CDH12: variants seen among roughly 807,000 people sequenced by gnomAD.
CDH12 encodes the protein cadherin-12.
A neutral mutation model predicts 74.1 loss-of-function variants in CDH12; 41 were observed. That is an observed-to-expected ratio of 0.55 (90% CI 0.43 to 0.72). The LOEUF is 0.72. Among genes scored for constraint, CDH12 ranks in the 30% least tolerant of loss-of-function variants. The probability of loss-of-function intolerance (pLI) is 0.00; values close to 1 mark genes in which losing one functional copy is unlikely to be tolerated. For missense variants in CDH12, 945 were observed against 977.2 expected, an observed-to-expected ratio of 0.97 and a Z score of 0.44; for synonymous variants, 399 against 355.0, an observed-to-expected ratio of 1.12 and a Z score of -1.39.
chr5:22,244,494 CAAAAAAAAAAAAAAAAAA>C (rs869135014), intron 3 of CDH12, among the ~76,000 whole-genome samples: 2 of 31,392 alleles, frequency 6.4e-5, no homozygotes, highest in Non-Finnish European at 1.0e-4. Flanking sequence ...GACTCTGCCT[CAAAAAAAAAAAAAAAAAA>C]AAAAAAAAAA....
chr5:22,597,115 A>C (rs1317322064), intron 1 of CDH12, among the ~76,000 whole-genome samples: 1 of 152,200 alleles, frequency 6.6e-6, no homozygotes, highest in Admixed American at 6.5e-5. Flanking sequence ...CAATTAATCA[A>C]GTTCAGGTAA....
intron 1 of CDH12, among the ~76,000 whole-genome samples, chr5:22,603,520 AC>A (rs1202708109): frequency 6.6e-6 from 1 of 152,190 alleles, no homozygotes; most frequent in Non-Finnish European, 1.5e-5. Context: ...CCAGGGGATT[AC>A]AGCCCTAAAT....
intron 6 of CDH12, among the ~76,000 whole-genome samples, chr5:21,868,292 T>C (rs375282808): frequency 1.4e-3 from 214 of 152,254 alleles, no homozygotes; most frequent in Middle Eastern, 0.014. Flanking sequence ...CCAGTATGCC[T>C]TTATCAGCAG....
At chr5:22,266,581 T>C (rs1736128553) in intron 3 of CDH12, among the ~76,000 whole-genome samples, 1 of 152,096 alleles carries the variant, frequency 6.6e-6, no homozygotes, top group Admixed American at 6.6e-5. Context: ...ATTTTTAGGG[T>C]AGGAAATATG....
At chr5:22,768,684 T>C (rs1746647481) in intron 1 of CDH12, among the ~76,000 whole-genome samples, 1 of 152,128 alleles carries the variant, frequency 6.6e-6, no homozygotes, top group Non-Finnish European at 1.5e-5. Flanking sequence ...GAATAAGATT[T>C]GGACCCATGG....
At chr5:21,872,470 G>A (rs1289123110) in intron 6 of CDH12, among the ~76,000 whole-genome samples, 1 of 152,116 alleles carries the variant, frequency 6.6e-6, no homozygotes, top group Non-Finnish European at 1.5e-5. Context: ...TTATGGTGTT[G>A]CCTTCTTTAT....
intron 6 of CDH12, among the ~76,000 whole-genome samples, chr5:21,926,829 G>T (rs1014870161): frequency 4.6e-5 from 7 of 152,202 alleles, no homozygotes; most frequent in Non-Finnish European, 7.3e-5. Context: ...CAATAGAGGT[G>T]ATGGTAGAAT....
chr5:22,123,585 A>G (rs372262233), intron 4 of CDH12, among the ~76,000 whole-genome samples: 1 of 152,204 alleles, frequency 6.6e-6, no homozygotes, highest in East Asian at 1.9e-4. Context: ...TCCATCTGAG[A>G]TATCTCAGGT....
intron 1 of CDH12, among the ~76,000 whole-genome samples, chr5:22,847,910 G>A (rs1737380159): frequency 6.6e-6 from 1 of 150,648 alleles, no homozygotes; most frequent in Non-Finnish European, 1.5e-5. Flanking sequence ...GTGAGACCGA[G>A]TCTCACTCTG....
intron 3 of CDH12, among the ~76,000 whole-genome samples, chr5:22,345,828 G>A (rs908158833): frequency 6.6e-6 from 1 of 152,156 alleles, no homozygotes; most frequent in Admixed American, 6.5e-5. Flanking sequence ...ATGGGTCCGG[G>A]CACAGTGGCT....
At chr5:22,577,341 A>G (rs2126776517) in intron 1 of CDH12, among the ~76,000 whole-genome samples, 1 of 152,370 alleles carries the variant, frequency 6.6e-6, no homozygotes. Flanking sequence ...GACTGCAGTT[A>G]TGAGAAAAAG....
At chr5:22,431,057 G>T (rs1280577527) in intron 2 of CDH12, among the ~76,000 whole-genome samples, 4 of 152,148 alleles carry the variant, frequency 2.6e-5, no homozygotes, top group Admixed American at 2.6e-4. Flanking sequence ...TGGTTAATTT[G>T]GTATATTTCT....
chr5:22,822,373 T>C (rs1419992068), intron 1 of CDH12, among the ~76,000 whole-genome samples: 2 of 151,872 alleles, frequency 1.3e-5, no homozygotes. Context: ...AAAGCCAAAA[T>C]TGACAAATGG....
intron 1 of CDH12, among the ~76,000 whole-genome samples, chr5:22,559,284 T>C (rs1561490172): frequency 6.6e-6 from 1 of 152,054 alleles, no homozygotes; most frequent in Non-Finnish European, 1.5e-5. Flanking sequence ...AATATAAATA[T>C]ATTTATTAAC....
intron 4 of CDH12, among the ~76,000 whole-genome samples, chr5:22,165,429 T>A (rs1304833396): frequency 1.3e-5 from 2 of 152,138 alleles, no homozygotes; most frequent in Non-Finnish European, 2.9e-5. Context: ...TTTCAATGGA[T>A]GAATGTTTGA....
intron 9 of CDH12, among the ~76,000 whole-genome samples, chr5:21,812,004 G>A (rs2149937913): frequency 6.6e-6 from 1 of 151,986 alleles, no homozygotes; most frequent in Admixed American, 6.6e-5. Flanking sequence ...CATCATTTTT[G>A]TTTTCTCAAG....
At chr5:21,961,217 T>A (rs542203628) in intron 6 of CDH12, among the ~76,000 whole-genome samples, 1 of 152,318 alleles carries the variant, frequency 6.6e-6, no homozygotes, top group African/African-American at 2.4e-5. Flanking sequence ...TTTGACACTC[T>A]GTTATCAGTT....
intron 1 of CDH12, among the ~76,000 whole-genome samples, chr5:22,805,818 C>T (rs1370697846): frequency 6.6e-6 from 1 of 152,034 alleles, no homozygotes; most frequent in Admixed American, 6.6e-5. Context: ...AGTCCCCCAC[C>T]CCTCGACAGG....
chr5:22,075,114 G>A (rs946194682), intron 5 of CDH12, among the ~76,000 whole-genome samples: 54 of 152,034 alleles, frequency 3.6e-4, no homozygotes, highest in African/African-American at 1.2e-3. Flanking sequence ...TATACACCAT[G>A]GAATTCTATG....
Sources: allele counts gnomAD v4.1 joint callset (sites outside exome capture counted in the v4.1 genomes callset), GRCh38; gene constraint gnomAD v4.1.1; transcripts MANE v1.5; gene names NCBI Gene and HGNC (gene_info 2026-07-23, HGNC 2026-07-21).